FBXL7: variants seen among roughly 807,000 people sequenced by gnomAD.
FBXL7 encodes the protein F-box and leucine rich repeat protein 7, also known as F-box/LRR-repeat protein 7.
FBXL7 carries 12 observed loss-of-function variants against 38.3 expected under a neutral mutation model. The observed-to-expected ratio is 0.31, with a 90% confidence interval of 0.20 to 0.51. FBXL7 has a LOEUF of 0.51. FBXL7 is among the 20% of genes least tolerant of loss of function. The probability of loss-of-function intolerance (pLI) is 0.98; values close to 1 mark genes in which losing one functional copy is unlikely to be tolerated. For missense variants in FBXL7, 567 were observed against 676.4 expected, an observed-to-expected ratio of 0.84 and a Z score of 1.79; for synonymous variants, 297 against 300.9, an observed-to-expected ratio of 0.99 and a Z score of 0.13.
At chr5:15,777,025 G>C (rs1271216669) in intron 2 of FBXL7, among the ~76,000 whole-genome samples, 1 of 151,884 alleles carries the variant, frequency 6.6e-6, no homozygotes, top group Non-Finnish European at 1.5e-5. Flanking sequence ...CACACATAAG[G>C]CATTTCCAAA....
intron 1 of FBXL7, among the ~76,000 whole-genome samples, chr5:15,585,594 A>C (rs1319468001): frequency 6.6e-6 from 1 of 152,206 alleles, no homozygotes; most frequent in Non-Finnish European, 1.5e-5. Context: ...TTTAGTAGAG[A>C]AGCTCATGAT....
chr5:15,722,673 A>G (rs1440743656), intron 2 of FBXL7, among the ~76,000 whole-genome samples: 4 of 152,216 alleles, frequency 2.6e-5, no homozygotes, highest in Non-Finnish European at 5.9e-5. Flanking sequence ...CTGTAATCCC[A>G]GCACTTCGGG....
Position 15,767,306 on chromosome 5 carries a change from A to G in FBXL7, c.127+151234A>G, listed in dbSNP as rs547839394. On this transcript the variant is annotated intron_variant, in intron 2 of 3. Coordinates refer to ENST00000504595, the MANE Select transcript of FBXL7 (RefSeq NM_012304.5). ...TTCATTCAAAAGACTGCCTTAAGCAACTGTGAAACAATTTAACACAATTTT... is the reference window on the plus strand; with the variant it reads ...TTCATTCAAAAGACTGCCTTAAGCAGCTGTGAAACAATTTAACACAATTTT... Among the ~76,000 whole-genome samples, 44 of 152,360 alleles carry G rather than the reference A, an allele frequency of 2.9e-4. No homozygotes were observed. In the South Asian group the frequency reaches 5.0e-3, roughly 17 times the overall value.
intron 2 of FBXL7, among the ~76,000 whole-genome samples, chr5:15,649,697 C>CT (rs34675600): frequency 0.2 from 28,987 of 146,150 alleles, 2,838 homozygotes; most frequent in East Asian, 0.35. Flanking sequence ...TCTTTCTTTT[C>CT]TTTTTTTTTT....
At chr5:15,866,643 C>G in intron 2 of FBXL7, among the ~76,000 whole-genome samples, 1 of 151,774 alleles carries the variant, frequency 6.6e-6, no homozygotes, top group East Asian at 1.9e-4. Context: ...ATTGACCCAT[C>G]CTTTAATTTC....
chr5:15,914,011 G>T (rs988076872), intron 2 of FBXL7, among the ~76,000 whole-genome samples: 2 of 152,208 alleles, frequency 1.3e-5, no homozygotes, highest in Non-Finnish European at 2.9e-5. Flanking sequence ...CAACAGTAGA[G>T]ATCTTAAAAT....
chr5:15,918,243 GAAAAA>G (rs1410124151), intron 2 of FBXL7, among the ~76,000 whole-genome samples: 1 of 151,404 alleles, frequency 6.6e-6, no homozygotes, highest in Admixed American at 6.6e-5. Context: ...CGTCTCAAAA[GAAAAA>G]AAGAAAAGAA....
intron 2 of FBXL7, among the ~76,000 whole-genome samples, chr5:15,681,228 A>G (rs779530223): frequency 3.3e-5 from 5 of 152,174 alleles, no homozygotes; most frequent in Admixed American, 2.6e-4. Flanking sequence ...AATTCATCCA[A>G]AGTGTGTAAT....
In FBXL7 at chr5:15,614,769, T is replaced by G. The variant is rs1047572624; in HGVS notation, c.38-1214T>G. Among the ~76,000 whole-genome samples the G allele has an allele frequency of 5.3e-4, 80 of 152,170 alleles. 1 individual carries two copies. Among genetic ancestry groups the G allele is most frequent in the Non-Finnish European group, 1.3e-4 (9 of 68,024 alleles). On this transcript the variant is annotated intron_variant, in intron 1 of 3. Transcript: ENST00000504595. ...CTCTGATGCTCAGGGTCCTCTTCAG[T>G]GCTCACTTGGTTGTTGGCAGAACTC...
intron 2 of FBXL7, among the ~76,000 whole-genome samples, chr5:15,855,790 A>G (rs903750966): frequency 1.3e-5 from 2 of 152,176 alleles, no homozygotes; most frequent in African/African-American, 4.8e-5. Flanking sequence ...ACTAATTTTT[A>G]TGTAACAAGG....
chr5:15,622,459 C>T (rs1027790156), intron 2 of FBXL7, among the ~76,000 whole-genome samples: 6 of 152,036 alleles, frequency 3.9e-5, no homozygotes, highest in Non-Finnish European at 7.4e-5. Flanking sequence ...ACACAGGCCC[C>T]GGTGTGTGAT....
chr5:15,730,210 G>A (rs1248378588), intron 2 of FBXL7, among the ~76,000 whole-genome samples: 4 of 152,038 alleles, frequency 2.6e-5, no homozygotes, highest in African/African-American at 9.7e-5. Context: ...TATGAGGACA[G>A]AAATTTGGAA....
chr5:15,551,314 A>G (rs972481362), intron 1 of FBXL7, among the ~76,000 whole-genome samples: 2 of 152,200 alleles, frequency 1.3e-5, no homozygotes, highest in Non-Finnish European at 2.9e-5. Flanking sequence ...GTTAGGCAGC[A>G]ACGTTTGAAT....
chr5:15,536,842 G>T (rs1192894834), intron 1 of FBXL7, among the ~76,000 whole-genome samples: 1 of 152,000 alleles, frequency 6.6e-6, no homozygotes, highest in African/African-American at 2.4e-5. Context: ...GGGGCCAAGG[G>T]CAGAGTGATA....
At position 15,927,782 on chromosome 5, in the gene FBXL7, A is replaced by AG. The variant is rs200923423; in HGVS notation, c.128-108_128-107insG. ...AAGATCTTAAAAAAAAAAAAAAAAA[A>AG]AAAAAGAAGAAGAAAGAAAAGAAAA... On this transcript the variant is annotated intron_variant, in intron 2 of 3. Transcript: ENST00000504595. 9.7e-3 allele frequency: 7,918 copies of AG among 814,042 alleles called. 496 individuals carry two copies. In the African/African-American group the frequency reaches 0.17, roughly 18 times the overall value. 50.4% of individuals were successfully genotyped at this position (814,042 alleles called of 1,614,324 possible). A position where few individuals can be genotyped will look rare whatever the true frequency, so the allele number is the denominator to read the frequency against.
chr5:15,555,481 G>A (rs911405082), intron 1 of FBXL7, among the ~76,000 whole-genome samples: 7 of 152,140 alleles, frequency 4.6e-5, no homozygotes, highest in Non-Finnish European at 2.9e-5. Context: ...GACCTTACCC[G>A]GCATCCTGGG....
chr5:15,842,433 A>G (rs1738775293), intron 2 of FBXL7, among the ~76,000 whole-genome samples: 1 of 152,198 alleles, frequency 6.6e-6, no homozygotes, highest in African/African-American at 2.4e-5. Flanking sequence ...ACAGGCTCAT[A>G]GGTGGAAGGG....
At chr5:15,620,848 T>G (rs1030373004) in intron 2 of FBXL7, among the ~76,000 whole-genome samples, 2 of 152,144 alleles carry the variant, frequency 1.3e-5, no homozygotes, top group African/African-American at 4.8e-5. Context: ...AAACATTGGT[T>G]TTGGTTTCTT....
chr5:15,858,522 T>A (rs942697049), intron 2 of FBXL7, among the ~76,000 whole-genome samples: 1 of 152,326 alleles, frequency 6.6e-6, no homozygotes, highest in South Asian at 2.1e-4. Context: ...TGTTAAGTAC[T>A]GTGTTTATAA....
Sources: allele counts gnomAD v4.1 joint callset (sites outside exome capture counted in the v4.1 genomes callset), GRCh38; gene constraint gnomAD v4.1.1; transcripts MANE v1.5; gene names NCBI Gene and HGNC (gene_info 2026-07-23, HGNC 2026-07-21).